The following EDA variants were observed in gnomAD, a reference collection of about 807,000 sequenced individuals.
The protein encoded by EDA is ectodysplasin-A.
EDA carries 2 observed loss-of-function variants against 23.6 expected under a neutral mutation model. That is an observed-to-expected ratio of 0.08 (90% CI 0.03 to 0.27). EDA has a LOEUF of 0.27. Ranked by LOEUF, EDA falls within the 10% of genes least tolerant of loss-of-function variation. The pLI is 1.00. For missense variants in EDA, 229 were observed against 324.2 expected, an observed-to-expected ratio of 0.71 and a Z score of 2.26; for synonymous variants, 131 against 132.0, an observed-to-expected ratio of 0.99 and a Z score of 0.05.
At chrX:69,770,261 A>G (rs1433813721) in intron 1 of EDA, among the ~76,000 whole-genome samples, 10 of 111,890 alleles carry the variant, frequency 8.9e-5, no homozygotes, top group Non-Finnish European at 1.5e-4. Flanking sequence ...CAAGAGTGCA[A>G]TTGATGGATT....
chrX:69,953,884 G>A (rs1321106275), intron 1 of EDA, among the ~76,000 whole-genome samples: 1 of 111,850 alleles, frequency 8.9e-6, no homozygotes, highest in Non-Finnish European at 1.9e-5. Flanking sequence ...CTCAGGGTCA[G>A]GGGTACTGGA....
chrX:69,977,941 C>G (rs977340107), intron 2 of EDA, among the ~76,000 whole-genome samples: 15 of 110,913 alleles, frequency 1.4e-4, no homozygotes, highest in African/African-American at 4.9e-4. Context: ...AGAAATATAT[C>G]AGAAAGTGTT....
chrX:70,028,639 T>A (rs1253144850), intron 4 of EDA, among the ~76,000 whole-genome samples: 1 of 112,659 alleles, frequency 8.9e-6, no homozygotes, highest in Non-Finnish European at 1.9e-5. Flanking sequence ...GGGAACCAAG[T>A]GCTTCTTGCA....
intron 1 of EDA, among the ~76,000 whole-genome samples, chrX:69,669,775 G>T (rs1159470153): frequency 9.0e-6 from 1 of 110,859 alleles, no homozygotes; most frequent in African/African-American, 3.3e-5. Context: ...TATCACCCAA[G>T]CACTGAGCAT....
intron 1 of EDA, among the ~76,000 whole-genome samples, chrX:69,665,332 T>C (rs931590889): frequency 8.9e-6 from 1 of 112,097 alleles, no homozygotes; most frequent in Admixed American, 9.5e-5. Context: ...CTCATTTATT[T>C]AATTTTCCTT....
intron 1 of EDA, among the ~76,000 whole-genome samples, chrX:69,790,231 A>G (rs2015361863): frequency 9.1e-6 from 1 of 110,451 alleles, no homozygotes; most frequent in African/African-American, 3.3e-5. Context: ...TATTATTATT[A>G]TACTTTAAGT....
chrX:69,749,163 C>T (rs964224165), intron 1 of EDA, among the ~76,000 whole-genome samples: 3 of 77,226 alleles, frequency 3.9e-5, no homozygotes, highest in Non-Finnish European at 7.4e-5. Context: ...TGTTCAATTC[C>T]CACCTATGAG....
At chrX:69,767,358 C>T (rs1191150353) in intron 1 of EDA, among the ~76,000 whole-genome samples, 2 of 110,643 alleles carry the variant, frequency 1.8e-5, no homozygotes, top group Non-Finnish European at 3.8e-5. Flanking sequence ...TGTATTCCCT[C>T]CATTCCTTCC....
At chrX:69,671,637 G>A (rs1373014780) in intron 1 of EDA, among the ~76,000 whole-genome samples, 1 of 111,632 alleles carries the variant, frequency 9.0e-6, no homozygotes, top group Non-Finnish European at 1.9e-5. Flanking sequence ...ATTCTGAATG[G>A]GGGAATAGGG....
chrX:69,657,542 C>G (rs1933356544), intron 1 of EDA, among the ~76,000 whole-genome samples: 1 of 111,862 alleles, frequency 8.9e-6, no homozygotes, highest in Non-Finnish European at 1.9e-5. Flanking sequence ...ATCATAAATT[C>G]CTTGCCTAGG....
chrX:69,945,389 G>A (rs993440767), intron 1 of EDA, among the ~76,000 whole-genome samples: 2 of 111,833 alleles, frequency 1.8e-5, no homozygotes, highest in African/African-American at 6.5e-5. Context: ...AAAGTTTATG[G>A]AGTTTCTGTG....
intron 1 of EDA, among the ~76,000 whole-genome samples, chrX:69,658,463 A>G (rs1009189652): frequency 9.0e-6 from 1 of 110,823 alleles, no homozygotes; most frequent in South Asian, 3.8e-4. Flanking sequence ...CTCTTTTTCT[A>G]TTGGGATGCC....
intron 1 of EDA, among the ~76,000 whole-genome samples, chrX:69,904,637 A>G (rs1010053221): frequency 5.3e-5 from 6 of 112,314 alleles, no homozygotes; most frequent in Admixed American, 9.4e-5. Context: ...GGCATGAGCC[A>G]TCGTGCCTGG....
At chrX:70,032,815 A>C (rs1252785176) in intron 6 of EDA, among the ~76,000 whole-genome samples, 3 of 111,875 alleles carry the variant, frequency 2.7e-5, no homozygotes, top group Non-Finnish European at 3.8e-5. Flanking sequence ...GTTACCATGG[A>C]GTCTGAATCA....
chrX:69,687,585 A>G (rs1934586182), intron 1 of EDA: 1 of 111,783 alleles, frequency 8.9e-6, no homozygotes, highest in African/African-American at 3.3e-5. Flanking sequence ...CAATTTATCT[A>G]ATTTTCCTTT....
At chrX:69,816,171 C>T (rs1686143498) in intron 1 of EDA, among the ~76,000 whole-genome samples, 1 of 110,975 alleles carries the variant, frequency 9.0e-6, no homozygotes, top group Non-Finnish European at 1.9e-5. Context: ...CAAAAAGGAC[C>T]CCACAAAAAC....
In EDA at chrX:69,723,401, T is replaced by C. The variant is rs755448799; in HGVS notation, c.396+106697T>C. 3.6e-5 allele frequency among the ~76,000 whole-genome samples: 4 copies of C among 112,429 alleles called. No homozygotes were observed. The East Asian group carries it at 8.3e-4, about 23-fold the overall frequency. ...GTATTTTAAAATAAGTTCACAGTTA[T>C]AGAACATCAGCATACATCCCTGGTG... On this transcript the variant is annotated intron_variant, in intron 1 of 7. Transcript: ENST00000374552.
At chrX:69,969,640 G>A (rs930133953) in intron 2 of EDA, among the ~76,000 whole-genome samples, 21 of 111,718 alleles carry the variant, frequency 1.9e-4, no homozygotes, top group Non-Finnish European at 3.8e-5. Flanking sequence ...AAGGAGAAAG[G>A]CATATTTGCG....
At chrX:69,742,091 C>G (rs895942921) in intron 1 of EDA, among the ~76,000 whole-genome samples, 5 of 112,038 alleles carry the variant, frequency 4.5e-5, no homozygotes, top group African/African-American at 1.6e-4. Context: ...CCCAGCTTTT[C>G]TCTCCTGGTG....
Sources: allele counts gnomAD v4.1 joint callset (sites outside exome capture counted in the v4.1 genomes callset), GRCh38; gene constraint gnomAD v4.1.1; transcripts MANE v1.5; gene names NCBI Gene and HGNC (gene_info 2026-07-23, HGNC 2026-07-21).